Variants in TMEM132D observed in about 807,000 individuals in gnomAD.
TMEM132D encodes the protein mature OL transmembrane protein.
Under a neutral mutation model 62.3 loss-of-function variants are expected in TMEM132D, and 21 were observed. That is an observed-to-expected ratio of 0.34 (90% CI 0.24 to 0.49). The LOEUF (loss-of-function observed/expected upper bound fraction) is 0.49, where lower values mean the gene tolerates loss of function less well. Ranked by LOEUF, TMEM132D falls within the 20% of genes least tolerant of loss-of-function variation. The pLI, the probability that TMEM132D is intolerant of heterozygous loss-of-function variation, is 0.99. For missense variants in TMEM132D, 1,346 were observed against 1,402.8 expected, an observed-to-expected ratio of 0.96 and a Z score of 0.65; for synonymous variants, 621 against 575.6, an observed-to-expected ratio of 1.08 and a Z score of -1.13.
At chr12:129,901,638 T>C (rs1196129313) in intron 1 of TMEM132D, among the ~76,000 whole-genome samples, 2 of 152,218 alleles carry the variant, frequency 1.3e-5, no homozygotes, top group African/African-American at 4.8e-5. Flanking sequence ...ACATGTTCAG[T>C]GTTCCCAGTT....
intron 2 of TMEM132D, among the ~76,000 whole-genome samples, chr12:129,629,596 T>C (rs1483744639): frequency 6.6e-6 from 1 of 152,208 alleles, no homozygotes; most frequent in Non-Finnish European, 1.5e-5. Flanking sequence ...CTTCAAGTGT[T>C]TCATTTCTTA....
chr12:129,263,905 A>T (rs1310322645), intron 4 of TMEM132D, among the ~76,000 whole-genome samples: 1 of 152,098 alleles, frequency 6.6e-6, no homozygotes, highest in Non-Finnish European at 1.5e-5. Flanking sequence ...TCAAAAATAG[A>T]TGAAGCAAGA....
chr12:129,265,394 G>A (rs1222208314), intron 4 of TMEM132D, among the ~76,000 whole-genome samples: 2 of 152,216 alleles, frequency 1.3e-5, no homozygotes, highest in Admixed American at 6.5e-5. Flanking sequence ...TGGGCAAAAT[G>A]TGGGGCGGAT....
intron 3 of TMEM132D, among the ~76,000 whole-genome samples, chr12:129,504,897 T>G (rs1010654375): frequency 9.2e-5 from 14 of 152,164 alleles, no homozygotes; most frequent in African/African-American, 3.4e-4. Context: ...TCCCACAGGT[T>G]TTTATAGGTT....
chr12:129,255,059 A>G (rs925937179), intron 4 of TMEM132D, among the ~76,000 whole-genome samples: 1 of 151,984 alleles, frequency 6.6e-6, no homozygotes, highest in Non-Finnish European at 1.5e-5. Flanking sequence ...TGGTTGTTTA[A>G]AAGTGTGTGG....
At chr12:129,624,618 G>A (rs1447340142) in intron 2 of TMEM132D, among the ~76,000 whole-genome samples, 1 of 152,270 alleles carries the variant, frequency 6.6e-6, no homozygotes, top group Non-Finnish European at 1.5e-5. Flanking sequence ...GAGATGGGCA[G>A]ACACCCAGTG....
In TMEM132D at chr12:129,778,289, C is replaced by T. The variant is rs557500573; in HGVS notation, c.80-77591G>A. Among the ~76,000 whole-genome samples, 4 of 152,054 alleles carry T rather than the reference C, an allele frequency of 2.6e-5. No homozygotes were observed. The South Asian group carries it at 8.3e-4, about 32-fold the overall frequency. ...CAAAATTTTCCTAATTTTACTGTGC[C>T]AGCCCGACTCTCATACCTCACTGAT... On this transcript the variant is annotated intron_variant, in intron 1 of 8. Transcript: ENST00000422113.
rs1346032955 is a variant in TMEM132D, at chr12:129,074,050, C to T, written c.3125G>A (p.Arg1042Lys). 1.2e-6 allele frequency: 2 copies of T among 1,613,876 alleles called. No individual in the cohort carries two copies. The highest frequency in any genetic ancestry group is 1.7e-6 in the Non-Finnish European group (2 of 1,179,904). The change falls in exon 9 of 9, where the codon AGG becomes AAG. Residue 1042 changes from arginine to lysine, a missense_variant. Coordinates refer to ENST00000422113, the MANE Select transcript of TMEM132D (RefSeq NM_133448.3). The stretch of plus-strand genomic sequence containing the variant: ...GAAGGTGGTAAATTTTACCCTTTTC[C>T]TTTTTGAGGTAGGGGATGTTGGGGG... ...SEPPTSPTSK[R>K]KRVKFTTFTA...
At chr12:129,081,677 A>C in intron 7 of TMEM132D, 82 bp downstream of exon 7, 1 of 1,491,818 alleles carries the variant, frequency 6.7e-7, no homozygotes, top group Non-Finnish European at 9.0e-7. Context: ...AGCAATGACA[A>C]ACAGCTGGTT....
At chr12:129,215,177 G>T (rs1244815761) in intron 4 of TMEM132D, among the ~76,000 whole-genome samples, 1 of 152,186 alleles carries the variant, frequency 6.6e-6, no homozygotes, top group Admixed American at 6.5e-5. Context: ...GTTGGAGCTG[G>T]AGGCCATTAT....
intron 4 of TMEM132D, among the ~76,000 whole-genome samples, chr12:129,293,043 C>T (rs933499743): frequency 6.6e-6 from 1 of 152,170 alleles, no homozygotes; most frequent in African/African-American, 2.4e-5. Flanking sequence ...GCCCTGTTTT[C>T]TGTTCCCAGG....
chr12:129,886,780 G>T (rs548267660), intron 1 of TMEM132D, among the ~76,000 whole-genome samples: 2 of 152,148 alleles, frequency 1.3e-5, no homozygotes, highest in Non-Finnish European at 2.9e-5. Context: ...GAAGGGACCC[G>T]GTGGGAGGTA....
chr12:129,734,464 A>G (rs1246676276), intron 1 of TMEM132D, among the ~76,000 whole-genome samples: 1 of 152,134 alleles, frequency 6.6e-6, no homozygotes, highest in Non-Finnish European at 1.5e-5. Context: ...TTCTTTGTTC[A>G]GTACATTGTG....
At chr12:129,144,434 A>G (rs1876832429) in intron 5 of TMEM132D, among the ~76,000 whole-genome samples, 1 of 152,180 alleles carries the variant, frequency 6.6e-6, no homozygotes, top group South Asian at 2.1e-4. Flanking sequence ...TTCTTTAGGA[A>G]TCTAGGTGCC....
chr12:129,469,323 A>G (rs1231779425), intron 3 of TMEM132D, among the ~76,000 whole-genome samples: 2 of 152,036 alleles, frequency 1.3e-5, no homozygotes, highest in Non-Finnish European at 2.9e-5. Flanking sequence ...TAGGATGCCA[A>G]CTCTGTGATA....
At chr12:129,591,314 G>T (rs967366763) in intron 2 of TMEM132D, among the ~76,000 whole-genome samples, 2 of 152,122 alleles carry the variant, frequency 1.3e-5, no homozygotes, top group African/African-American at 4.8e-5. Flanking sequence ...GGAGGATGGT[G>T]ATGGTGGTAA....
intron 4 of TMEM132D, among the ~76,000 whole-genome samples, chr12:129,263,286 A>C (rs77572292): frequency 0.087 from 13,297 of 152,098 alleles, 738 homozygotes; most frequent in Admixed American, 0.17. Flanking sequence ...AAATGACCCA[A>C]CTTGGGTATC....
chr12:129,456,742 T>C (rs1356656382), intron 3 of TMEM132D, among the ~76,000 whole-genome samples: 1 of 152,190 alleles, frequency 6.6e-6, no homozygotes, highest in Non-Finnish European at 1.5e-5. Flanking sequence ...GTCATCCCAG[T>C]CCACTCTTGT....
At chr12:129,461,603 G>A (rs10847881) in intron 3 of TMEM132D, among the ~76,000 whole-genome samples, 112,959 of 151,870 alleles carry the variant, frequency 0.74, 42,107 homozygotes, top group Middle Eastern at 0.78. Flanking sequence ...ACATCAAACT[G>A]GAAGACTAGA....
Sources: gnomAD v4.1 joint callset for allele counts (sites outside exome capture counted in the v4.1 genomes callset) on GRCh38, gnomAD v4.1.1 for gene constraint, MANE v1.5 for transcripts, NCBI Gene and HGNC (gene_info 2026-07-23, HGNC 2026-07-21) for gene names.